ECPAS: variants seen among roughly 807,000 people sequenced by gnomAD.
The protein encoded by ECPAS is proteasome adapter and scaffold protein ECM29.
A neutral mutation model predicts 255.1 loss-of-function variants in ECPAS; 70 were observed. The ratio of observed to expected loss-of-function variants is 0.27; its 90% CI spans 0.23 to 0.33. ECPAS has a LOEUF of 0.33. ECPAS is among the 10% of genes least tolerant of loss of function. The pLI is 1.00. For missense variants in ECPAS, 1,817 were observed against 2,206.4 expected (o/e 0.82, Z 3.54); for synonymous variants, 784 against 775.0 (o/e 1.01, Z -0.19).
At chr9:111,411,274 G>A (rs1322602610) in intron 21 of ECPAS, 132 bp from the exon 22 acceptor site, 6 of 932,074 alleles carry the variant, frequency 6.4e-6, no homozygotes, top group Admixed American at 4.5e-5. Flanking sequence ...GTGAACACTC[G>A]AGGTTTCACT....
intron 46 of ECPAS, 138 bp from the exon 47 acceptor site, chr9:111,366,765 G>A (rs766973860): frequency 1.3e-5 from 8 of 609,006 alleles, no homozygotes; most frequent in Non-Finnish European, 2.4e-5. Flanking sequence ...GGATAAGAGA[G>A]AGAAAAGCAG....
At chr9:111,374,700 T>TA (rs1257708648) in intron 38 of ECPAS, among the ~76,000 whole-genome samples, 2 of 152,304 alleles carry the variant, frequency 1.3e-5, no homozygotes, top group Admixed American at 6.5e-5. Context: ...AAAAGGGTGG[T>TA]AGGGGGGTGT....
At chr9:111,419,060 T>TATAAG (rs2131776667) in intron 16 of ECPAS, among the ~76,000 whole-genome samples, 1 of 152,222 alleles carries the variant, frequency 6.6e-6, no homozygotes, top group East Asian at 1.9e-4. Flanking sequence ...CAACTTATAG[T>TATAAG]AAAGAAAATA....
intron 12 of ECPAS, among the ~76,000 whole-genome samples, chr9:111,424,989 C>T (rs192755056): frequency 1.3e-5 from 2 of 152,058 alleles, no homozygotes; most frequent in East Asian, 1.9e-4. Context: ...GGCCTTGAGA[C>T]GGCCAGTAGA....
At chr9:111,391,867 A>G (rs2098160664) in intron 28 of ECPAS, 43 bp from the exon 29 acceptor site, 2 of 1,262,002 alleles carry the variant, frequency 1.6e-6, no homozygotes, top group East Asian at 2.4e-5. Context: ...AGCTTTTCAT[A>G]CCAACATTCA....
chr9:111,430,024 T>C (rs946728003), intron 9 of ECPAS, among the ~76,000 whole-genome samples: 3 of 152,254 alleles, frequency 2.0e-5, no homozygotes, highest in Non-Finnish European at 4.4e-5. Flanking sequence ...CTGCAAACTA[T>C]AGCCCACAGT....
In ECPAS at chr9:111,421,962, G is replaced by A; in HGVS notation, c.1414C>T (p.Arg472Ter). The A allele has an allele frequency of 6.2e-7, 1 of 1,613,534 alleles. No individual in the cohort carries two copies. The highest frequency in any genetic ancestry group is 8.5e-7 in the Non-Finnish European group (1 of 1,179,716). The change falls in exon 15 of 50, where the codon CGA becomes TGA. Residue 472 changes from arginine to a stop codon, truncating the protein, a stop_gained. Coordinates refer to ENST00000684092, the MANE Select transcript of ECPAS (RefSeq NM_001364929.1). LOFTEE classifies it high-confidence loss of function. ...GAYSTLEGAQ[R>*]TLMEALVASY... Reference sequence around the variant, plus strand: ...GCCACAAGTGCCTCCATGAGAGTTCGCTGTGCCCCTTCCAAAGTACTATAC... The same window carrying A: ...GCCACAAGTGCCTCCATGAGAGTTCACTGTGCCCCTTCCAAAGTACTATAC...
chr9:111,382,018 C>CAT (rs1033007892), intron 35 of ECPAS, among the ~76,000 whole-genome samples: 20 of 151,598 alleles, frequency 1.3e-4, no homozygotes, highest in African/African-American at 4.6e-4. Context: ...AACACACACA[C>CAT]ACACACACAC....
chr9:111,482,649 G>C (rs1262100185), intron 1 of ECPAS, among the ~76,000 whole-genome samples: 1 of 150,596 alleles, frequency 6.6e-6, no homozygotes, highest in African/African-American at 2.4e-5. Flanking sequence ...GCAGCATTGG[G>C]AGAAAAAAAA....
chr9:111,376,729 G>T (rs914403308), intron 36 of ECPAS, among the ~76,000 whole-genome samples, 188 bp from the exon 37 acceptor site: 3 of 152,084 alleles, frequency 2.0e-5, no homozygotes, highest in Admixed American at 1.3e-4. Context: ...TTTACCAGGG[G>T]AACCAGCACC....
intron 1 of ECPAS, among the ~76,000 whole-genome samples, chr9:111,478,033 T>C (rs2098298667): frequency 6.6e-6 from 1 of 151,904 alleles, no homozygotes; most frequent in African/African-American, 2.4e-5. Flanking sequence ...CCCAAGTAGC[T>C]GGGACTACAG....
At chr9:111,366,729 G>T (rs1236620836) in intron 46 of ECPAS, 102 bp from the exon 47 acceptor site, 2 of 731,038 alleles carry the variant, frequency 2.7e-6, no homozygotes, top group South Asian at 1.6e-5. Context: ...AAAGGAAGAG[G>T]GAAAGAGAAA....
intron 27 of ECPAS, 66 bp from the exon 28 acceptor site, chr9:111,392,948 A>C: frequency 9.4e-7 from 1 of 1,066,724 alleles, no homozygotes. Flanking sequence ...TATGAAATCA[A>C]AATTTTTAAA....
At chr9:111,452,772 G>T (rs188665698) in intron 2 of ECPAS, among the ~76,000 whole-genome samples, 1 of 152,216 alleles carries the variant, frequency 6.6e-6, no homozygotes, top group Admixed American at 6.5e-5. Context: ...TCCTGAGAGG[G>T]GCAGAAGCAA....
At chr9:111,451,301 C>T in intron 3 of ECPAS, 124 bp downstream of exon 3, 1 of 959,472 alleles carries the variant, frequency 1.0e-6, no homozygotes. Flanking sequence ...ACTTACTCTC[C>T]ATTTTGAAAG....
chr9:111,426,086 T>C (rs146656600), intron 10 of ECPAS, among the ~76,000 whole-genome samples: 12 of 152,326 alleles, frequency 7.9e-5, no homozygotes, highest in African/African-American at 2.9e-4. Context: ...AAACGAAGAG[T>C]ACACACTGCA....
intron 17 of ECPAS, 61 bp downstream of exon 17, chr9:111,417,822 A>T: frequency 7.1e-7 from 1 of 1,416,236 alleles, no homozygotes; most frequent in South Asian, 1.4e-5. Context: ...CACTTTAAAG[A>T]TGTTTTTATT....
chr9:111,433,690 A>G (rs1358510113), intron 7 of ECPAS, among the ~76,000 whole-genome samples: 1 of 152,192 alleles, frequency 6.6e-6, no homozygotes, highest in East Asian at 1.9e-4. Context: ...CTCCAAAATT[A>G]TTATGATACA....
intron 33 of ECPAS, among the ~76,000 whole-genome samples, chr9:111,384,989 C>G (rs1385626916): frequency 6.6e-6 from 1 of 152,130 alleles, no homozygotes; most frequent in Non-Finnish European, 1.5e-5. Context: ...AAGAAAAATT[C>G]AGAGGAATTG....
Sources: allele counts gnomAD v4.1 joint callset (sites outside exome capture counted in the v4.1 genomes callset), GRCh38; gene constraint gnomAD v4.1.1; transcripts MANE v1.5; gene names NCBI Gene and HGNC (gene_info 2026-07-23, HGNC 2026-07-21).